The following UNC45B variants were observed in gnomAD, a reference collection of about 807,000 sequenced individuals.
The protein encoded by UNC45B is protein unc-45 homolog B.
Under a neutral mutation model 98.7 loss-of-function variants are expected in UNC45B, and 78 were observed. That is an observed-to-expected ratio of 0.79 (90% CI 0.66 to 0.95). The LOEUF is 0.95. UNC45B is among the 40% of genes least tolerant of loss of function. The pLI, the probability that UNC45B is intolerant of heterozygous loss-of-function variation, is 0.00. For synonymous variants in UNC45B, 462 were observed against 480.4 expected, an observed-to-expected ratio of 0.96 and a Z score of 0.50; for missense variants, 1,225 against 1,184.9, an observed-to-expected ratio of 1.03 and a Z score of -0.50.
intron 8 of UNC45B, among the ~76,000 whole-genome samples, chr17:35,162,286 C>T (rs2092107697): frequency 6.6e-6 from 1 of 152,090 alleles, no homozygotes; most frequent in African/African-American, 2.4e-5. Flanking sequence ...GAGCCCTTAA[C>T]CTGTGGAGTC....
intron 8 of UNC45B, among the ~76,000 whole-genome samples, chr17:35,162,940 C>A (rs1219928668): frequency 6.6e-6 from 1 of 152,178 alleles, no homozygotes; most frequent in Non-Finnish European, 1.5e-5. Context: ...CTCCGAAATC[C>A]ATCTCTCTGT....
chr17:35,148,237 C>G, intron 1 of UNC45B, 27 bp from the exon 2 acceptor site: 2 of 1,613,142 alleles, frequency 1.2e-6, no homozygotes, highest in South Asian at 1.1e-5. Context: ...AGGGGCTGAC[C>G]AGACAGAGCT....
In UNC45B at chr17:35,168,072, AC is replaced by A; in HGVS notation, c.1168del (p.Gln390ArgfsTer7). ...GTCCTTTGTTTTAGGGGCAAGTTTGACCCCCAGGACATGGACAAGAACTTGA... is the reference window on the plus strand; with the variant it reads ...GTCCTTTGTTTTAGGGGCAAGTTTGACCCCAGGACATGGACAAGAACTTGA... ...ICEEYITGKF[D>X]PQDMDKNLNA... On this transcript the variant is annotated frameshift_variant, in exon 10 of 20. Coordinates refer to ENST00000394570, the MANE Select transcript of UNC45B (RefSeq NM_001267052.2). LOFTEE classifies it high-confidence loss of function. 3 of 1,532,144 alleles carry A rather than the reference AC, an allele frequency of 2.0e-6. No individual in the cohort carries two copies. Among genetic ancestry groups the A allele is most frequent in the Non-Finnish European group, 2.6e-6 (3 of 1,137,200 alleles). 94.9% of individuals were successfully genotyped at this position (1,532,144 alleles called of 1,614,324 possible). A position where few individuals can be genotyped will look rare whatever the true frequency, so the allele number is the denominator to read the frequency against.
chr17:35,188,336 T>C lies in UNC45B; in HGVS notation c.*1777T>C, dbSNP rs1265234713. On this transcript the variant is annotated 3_prime_UTR_variant, in exon 20 of 20. Transcript: ENST00000394570. ...TCATATGTGGGCTTGAGTGGGTGTA[T>C]TTAGCTCCTTTAAAGGAAACTCTTT... The C allele has an allele frequency of 6.6e-6, 1 of 152,182 alleles. No homozygotes were observed. Among genetic ancestry groups the C allele is most frequent in the Non-Finnish European group, 1.5e-5 (1 of 68,028 alleles). The allele number at this position is 152,182 out of a possible 1,614,324, so 9.4% of individuals were successfully genotyped here. A position where few individuals can be genotyped will look rare whatever the true frequency, so the allele number is the denominator to read the frequency against.
intron 17 of UNC45B, among the ~76,000 whole-genome samples, chr17:35,177,818 TTC>T (rs1203796048): frequency 1.3e-5 from 2 of 151,436 alleles, no homozygotes; most frequent in Non-Finnish European, 3.0e-5. Context: ...TTTCTTTTTT[TTC>T]TTTCCTTTTC....
intron 10 of UNC45B, among the ~76,000 whole-genome samples, chr17:35,168,773 C>A (rs2092160776): frequency 6.6e-6 from 1 of 152,168 alleles, no homozygotes; most frequent in African/African-American, 2.4e-5. Context: ...GCAGCGAAAT[C>A]TCAGCTCACT....
At chr17:35,148,781 G>A (rs914319591) in intron 2 of UNC45B, among the ~76,000 whole-genome samples, 192 bp from the exon 3 acceptor site, 2 of 152,148 alleles carry the variant, frequency 1.3e-5, no homozygotes, top group African/African-American at 2.4e-5. Flanking sequence ...TAGCAGAGCC[G>A]AGATTCAAAC....
chr17:35,158,910 T>C (rs997712230), intron 7 of UNC45B, among the ~76,000 whole-genome samples: 7 of 152,210 alleles, frequency 4.6e-5, no homozygotes, highest in Admixed American at 1.3e-4. Context: ...TTTTAAGATC[T>C]ACCAGTGGGC....
intron 19 of UNC45B, among the ~76,000 whole-genome samples, chr17:35,184,737 G>A (rs761460120): frequency 8.7e-4 from 132 of 152,292 alleles, no homozygotes; most frequent in Middle Eastern, 3.4e-3. Flanking sequence ...GACCCTTCAG[G>A]ATTGCCAACC....
chr17:35,178,946 G>A (rs558268411), intron 17 of UNC45B, among the ~76,000 whole-genome samples: 88 of 152,308 alleles, frequency 5.8e-4, no homozygotes, highest in African/African-American at 1.9e-3. Context: ...CTGTAGCCTT[G>A]TAGTATAGTT....
At chr17:35,161,314 T>C (rs2092100676) in intron 8 of UNC45B, among the ~76,000 whole-genome samples, 1 of 152,236 alleles carries the variant, frequency 6.6e-6, no homozygotes, top group Non-Finnish European at 1.5e-5. Flanking sequence ...TGTTATGTGT[T>C]GTGCAAACTG....
chr17:35,154,445 C>T, intron 5 of UNC45B, 129 bp from the exon 6 acceptor site: 2 of 847,482 alleles, frequency 2.4e-6, no homozygotes, highest in Admixed American at 3.7e-5. Flanking sequence ...GGAGGATTAC[C>T]AAGGTGAGAT....
chr17:35,162,888 T>G (rs945768476), intron 8 of UNC45B, among the ~76,000 whole-genome samples: 2 of 152,162 alleles, frequency 1.3e-5, no homozygotes, highest in Non-Finnish European at 2.9e-5. Flanking sequence ...TTCCCTGTAC[T>G]ACACAAGGTC....
chr17:35,150,884 G>A (rs949884156), intron 4 of UNC45B, among the ~76,000 whole-genome samples: 2 of 152,124 alleles, frequency 1.3e-5, no homozygotes, highest in Non-Finnish European at 1.5e-5. Context: ...ACATCGATGA[G>A]GGATAGAGGA....
At position 35,174,332 on chromosome 17, in the gene UNC45B, G is replaced by A. The variant is rs1454131374; in HGVS notation, c.1921G>A (p.Ala641Thr). The change falls in exon 14 of 20, where the codon GCC (alanine) becomes ACC (threonine). Residue 641 changes from alanine (A) to threonine (T), a missense_variant. Transcript: ENST00000394570. ...GGCTTGCATGGTGAAAGCAGATAGTGCCATCCTCACTGACCAGACCAAGGA... is the reference window on the plus strand; with the variant it reads ...GGCTTGCATGGTGAAAGCAGATAGTACCATCCTCACTGACCAGACCAAGGA... The part of the protein sequence containing the change: ...ALACMVKADS[A>T]ILTDQTKELL... 6.2e-7 allele frequency: 1 copy of A among 1,614,066 alleles called. No individual in the cohort carries two copies. Among genetic ancestry groups the A allele is most frequent in the African/African-American group, 1.3e-5 (1 of 74,922 alleles).
chr17:35,175,948 C>T lies in UNC45B; in HGVS notation c.1959-20C>T. ...GTGTGCTGGTGTATTAACTGTTCTC[C>T]TTTCTTCTCGGTCCCACAGGGTATT... On this transcript the variant is annotated intron_variant, in intron 14 of 19. Transcript: ENST00000394570. 1 of 1,612,910 alleles carries T rather than the reference C, an allele frequency of 6.2e-7. No homozygotes were observed. The highest frequency in any genetic ancestry group is 8.5e-7 in the Non-Finnish European group (1 of 1,179,154).
chr17:35,148,009 C>T (rs2091985936), intron 1 of UNC45B, 99 bp downstream of exon 1: 1 of 499,332 alleles, frequency 2.0e-6, no homozygotes, highest in African/African-American at 1.9e-5. Context: ...AACTAAGCAG[C>T]TTCGCCTGCT....
chr17:35,163,610 T>C (rs937365076), intron 8 of UNC45B, among the ~76,000 whole-genome samples: 3 of 152,184 alleles, frequency 2.0e-5, no homozygotes, highest in African/African-American at 7.2e-5. Flanking sequence ...CCTCAAACTT[T>C]ATGAGGTAGG....
Position 35,168,217 on chromosome 17 carries a change from G to T in UNC45B, c.1308G>T (p.Thr436=), listed in dbSNP as rs140998171. 1 of 1,593,464 alleles carries T rather than the reference G, an allele frequency of 6.3e-7. No individual in the cohort carries two copies. Among genetic ancestry groups the T allele is most frequent in the Non-Finnish European group, 8.6e-7 (1 of 1,169,112 alleles). Residue 436 remains threonine (T), a synonymous_variant, in exon 10 of 20, where the codon ACG becomes ACT. Transcript: ENST00000394570. ...MVALCGSERE[T]DQLVAVEALI... ...CACTATGTGGCTCAGAGCGCGAGAC[G>T]GACCAGCTGGTGGCCGTGGAGGCCC...
Sources: gnomAD v4.1 joint callset for allele counts (sites outside exome capture counted in the v4.1 genomes callset) on GRCh38, gnomAD v4.1.1 for gene constraint, MANE v1.5 for transcripts, NCBI Gene and HGNC (gene_info 2026-07-23, HGNC 2026-07-21) for gene names.